Variants in RABGAP1L observed in about 807,000 individuals in gnomAD.
RABGAP1L encodes rab GTPase-activating protein 1-like.
In RABGAP1L, 63 loss-of-function variants were observed where a neutral mutation model predicts 137.7. The ratio of observed to expected loss-of-function variants is 0.46; its 90% CI spans 0.37 to 0.56. The LOEUF is 0.56. Among genes scored for constraint, RABGAP1L ranks in the 20% least tolerant of loss-of-function variants. RABGAP1L has a pLI of 0.00. For missense variants in RABGAP1L, 1,095 were observed against 1,244.0 expected, an observed-to-expected ratio of 0.88 and a Z score of 1.80; for synonymous variants, 431 against 433.7, an observed-to-expected ratio of 0.99 and a Z score of 0.08.
At chr1:174,201,929 G>T (rs916056748) in intron 1 of RABGAP1L, among the ~76,000 whole-genome samples, 16 of 151,530 alleles carry the variant, frequency 1.1e-4, no homozygotes, top group African/African-American at 3.6e-4. Flanking sequence ...GCGACAGTTT[G>T]CTGAGAATGA....
At chr1:174,327,822 A>T (rs1220712681) in intron 11 of RABGAP1L, among the ~76,000 whole-genome samples, 1 of 151,530 alleles carries the variant, frequency 6.6e-6, no homozygotes, top group Admixed American at 6.6e-5. Flanking sequence ...CGCAAATATA[A>T]ACTAAAAGAA....
intron 1 of RABGAP1L, among the ~76,000 whole-genome samples, chr1:174,194,012 A>G (rs892766741): frequency 1.3e-5 from 2 of 152,170 alleles, no homozygotes; most frequent in Non-Finnish European, 2.9e-5. Flanking sequence ...GGAGAGACCA[A>G]GTTACGTGTT....
At chr1:174,473,381 A>G (rs576698862) in intron 13 of RABGAP1L, among the ~76,000 whole-genome samples, 11 of 152,286 alleles carry the variant, frequency 7.2e-5, no homozygotes, top group African/African-American at 2.4e-4. Flanking sequence ...AGATTTTTAA[A>G]GCATCTTATT....
chr1:174,803,945 C>T (rs997509341), intron 18 of RABGAP1L, among the ~76,000 whole-genome samples: 10 of 151,494 alleles, frequency 6.6e-5, no homozygotes, highest in Non-Finnish European at 1.3e-4. Context: ...TGGGGGTGGG[C>T]GCCTGTAATC....
chr1:174,267,259 A>G (rs1280674556), intron 7 of RABGAP1L, among the ~76,000 whole-genome samples: 1 of 152,202 alleles, frequency 6.6e-6, no homozygotes, highest in African/African-American at 2.4e-5. Context: ...AGTTGAAGAC[A>G]TCATTTCAGG....
chr1:174,658,377 T>A (rs1676116345), intron 14 of RABGAP1L, among the ~76,000 whole-genome samples: 1 of 152,204 alleles, frequency 6.6e-6, no homozygotes, highest in African/African-American at 2.4e-5. Context: ...TTCATAGCAG[T>A]ATTTCCAATT....
intron 13 of RABGAP1L, among the ~76,000 whole-genome samples, chr1:174,535,582 T>A (rs1224291361): frequency 6.6e-6 from 1 of 152,230 alleles, no homozygotes; most frequent in African/African-American, 2.4e-5. Context: ...AGTGGAGACA[T>A]CTTAGATCCT....
chr1:174,988,088 C>T (rs1671756783), intron 24 of RABGAP1L, among the ~76,000 whole-genome samples: 1 of 152,212 alleles, frequency 6.6e-6, no homozygotes, highest in Non-Finnish European at 1.5e-5. Context: ...GGATTACAGG[C>T]GTGAGCCACC....
chr1:174,598,982 C>T (rs1021149773), intron 13 of RABGAP1L, among the ~76,000 whole-genome samples: 2 of 150,714 alleles, frequency 1.3e-5, no homozygotes, highest in Non-Finnish European at 3.0e-5. Flanking sequence ...GATCTTTCTC[C>T]CTCCCTCCCT....
chr1:174,610,740 C>T (rs1321257984), intron 13 of RABGAP1L, among the ~76,000 whole-genome samples: 1 of 152,304 alleles, frequency 6.6e-6, no homozygotes, highest in African/African-American at 2.4e-5. Flanking sequence ...TTTTAATGAT[C>T]ACCATTCTAA....
intron 9 of RABGAP1L, among the ~76,000 whole-genome samples, chr1:174,277,135 G>A (rs182108692): frequency 6.6e-6 from 1 of 152,124 alleles, no homozygotes; most frequent in Admixed American, 6.5e-5. Context: ...TCCTTAAAGA[G>A]AGTATTCACC....
intron 14 of RABGAP1L, among the ~76,000 whole-genome samples, chr1:174,667,940 T>C (rs532773002): frequency 6.6e-6 from 1 of 152,300 alleles, no homozygotes; most frequent in East Asian, 1.9e-4. Context: ...AAATACTCAA[T>C]TGCTGAGTGA....
At chr1:174,566,523 A>G (rs1330856853) in intron 13 of RABGAP1L, among the ~76,000 whole-genome samples, 2 of 152,172 alleles carry the variant, frequency 1.3e-5, no homozygotes, top group Non-Finnish European at 2.9e-5. Context: ...AAGGAACCAT[A>G]GCTTTCAGTG....
intron 13 of RABGAP1L, chr1:174,546,027 T>G (rs1260727280): frequency 6.6e-6 from 1 of 152,176 alleles, no homozygotes; most frequent in Non-Finnish European, 1.5e-5. Flanking sequence ...AAAAAGAATC[T>G]TAAGAAGATA....
intron 19 of RABGAP1L, among the ~76,000 whole-genome samples, chr1:174,863,804 AC>A (rs1478322998): frequency 1.3e-5 from 2 of 151,674 alleles, no homozygotes; most frequent in African/African-American, 4.8e-5. Flanking sequence ...ACATGGTGAA[AC>A]CCTGTTGCTA....
intron 13 of RABGAP1L, among the ~76,000 whole-genome samples, chr1:174,462,988 C>G (rs1330635144): frequency 6.6e-6 from 1 of 152,124 alleles, no homozygotes; most frequent in East Asian, 1.9e-4. Flanking sequence ...GTTAGAATGG[C>G]AATCATTAAA....
chr1:174,558,632 AT>A (rs1384340707), intron 13 of RABGAP1L, among the ~76,000 whole-genome samples: 1 of 152,192 alleles, frequency 6.6e-6, no homozygotes, highest in Non-Finnish European at 1.5e-5. Context: ...ACTCTTGAAT[AT>A]TTTTTAACCA....
chr1:174,257,886 A>G (rs530123287), intron 7 of RABGAP1L, among the ~76,000 whole-genome samples: 73 of 152,222 alleles, frequency 4.8e-4, no homozygotes, highest in Admixed American at 1.2e-3. Flanking sequence ...GCTAAATTAC[A>G]TTGTTTTTAT....
rs1158545250 is a variant in RABGAP1L at position 174,832,402 on chromosome 1, A to T, written c.2340+20442A>T. On this transcript the variant is annotated intron_variant, in intron 19 of 25. Coordinates refer to ENST00000681986, the MANE Select transcript of RABGAP1L (RefSeq NM_001366446.1). The stretch of plus-strand genomic sequence containing the variant: ...TCAGGAAAACTACTACATTAGACAA[A>T]ACTTGCCTTTAATGCCTGGAGATAC... Among the ~76,000 whole-genome samples, 4 of 148,346 alleles carry T rather than the reference A, an allele frequency of 2.7e-5. 1 individual carries two copies. The highest frequency in any genetic ancestry group is 3.0e-5 in the Non-Finnish European group (2 of 66,644).
Sources: gnomAD v4.1 joint callset for allele counts (sites outside exome capture counted in the v4.1 genomes callset) on GRCh38, gnomAD v4.1.1 for gene constraint, MANE v1.5 for transcripts, NCBI Gene and HGNC (gene_info 2026-07-23, HGNC 2026-07-21) for gene names.